Variants in DRC8 observed in about 807,000 individuals in gnomAD.
DRC8 encodes the protein dynein regulatory complex subunit 8.
At chr1:244,972,833 AAAAC>A in the DRC8 span, among the ~76,000 whole-genome samples, 7 of 151,970 alleles carry the variant, frequency 4.6e-5, no homozygotes, top group African/African-American at 9.7e-5. Flanking sequence ...AAAAAAAACA[AAAAC>A]AAAAAACAAA....
chr1:244,970,460 G>A, the DRC8 span: 18 of 1,525,230 alleles, frequency 1.2e-5, no homozygotes, highest in Admixed American at 2.2e-4. Flanking sequence ...TAGGGGAGCC[G>A]GGGAGCCGCT....
At chr1:245,012,230 G>A in the DRC8 span, among the ~76,000 whole-genome samples, 1 of 152,018 alleles carries the variant, frequency 6.6e-6, no homozygotes, top group Non-Finnish European at 1.5e-5. Flanking sequence ...CTGTTCTTTA[G>A]AGATGGAAGG....
chr1:245,118,528 ACGC>A, the DRC8 span, among the ~76,000 whole-genome samples: 1 of 152,202 alleles, frequency 6.6e-6, no homozygotes, highest in Non-Finnish European at 1.5e-5. Context: ...GCAGTGGCTC[ACGC>A]CTGTAATCCC....
the DRC8 span, among the ~76,000 whole-genome samples, chr1:245,077,161 C>T: frequency 3.9e-5 from 6 of 152,090 alleles, no homozygotes; most frequent in East Asian, 7.7e-4. Flanking sequence ...TTGCTAGAGC[C>T]GCTTTGATAG....
At chr1:244,991,374 T>A in the DRC8 span, among the ~76,000 whole-genome samples, 1 of 151,822 alleles carries the variant, frequency 6.6e-6, no homozygotes, top group Admixed American at 6.6e-5. Flanking sequence ...TTGTTTAGGG[T>A]TTTTGTGGGG....
chr1:244,976,321 C>G, the DRC8 span, among the ~76,000 whole-genome samples: 2 of 151,950 alleles, frequency 1.3e-5, no homozygotes, highest in Non-Finnish European at 2.9e-5. Context: ...TAAGTCTTAC[C>G]AATTGGGATC....
chr1:244,981,986 A>C, the DRC8 span, among the ~76,000 whole-genome samples: 1 of 152,194 alleles, frequency 6.6e-6, no homozygotes, highest in Non-Finnish European at 1.5e-5. Context: ...ATTTCATCGT[A>C]AGTTGATAGA....
the DRC8 span, among the ~76,000 whole-genome samples, chr1:245,094,520 C>T: frequency 6.6e-6 from 1 of 152,204 alleles, no homozygotes; most frequent in Non-Finnish European, 1.5e-5. Flanking sequence ...CTTCCTGATA[C>T]GTGCATTCCT....
the DRC8 span, among the ~76,000 whole-genome samples, chr1:245,029,405 C>A: frequency 2.6e-5 from 4 of 152,176 alleles, no homozygotes; most frequent in Non-Finnish European, 5.9e-5. Flanking sequence ...TCAAGCAATT[C>A]TCTTGCCTCA....
chr1:244,980,043 A>AAAAAAAAAAAAAAAAAC, the DRC8 span, among the ~76,000 whole-genome samples: 1 of 99,690 alleles, frequency 1.0e-5, no homozygotes, highest in Non-Finnish European at 2.3e-5. Context: ...TCTCTACTAA[A>AAAAAAAAAAAAAAAAAC]AAAAAAAAAA....
chr1:244,976,331 C>T, the DRC8 span, among the ~76,000 whole-genome samples: 36 of 152,222 alleles, frequency 2.4e-4, no homozygotes, highest in African/African-American at 8.7e-4. Flanking sequence ...CAATTGGGAT[C>T]ATGCATAATG....
At chr1:245,068,252 A>C in the DRC8 span, among the ~76,000 whole-genome samples, 2 of 152,300 alleles carry the variant, frequency 1.3e-5, no homozygotes, top group East Asian at 3.9e-4. Flanking sequence ...TAGACTAATA[A>C]ATACGGTTTT....
At chr1:244,969,760 T>G in the DRC8 span, 208 of 220,948 alleles carry the variant, frequency 9.4e-4, 1 homozygote, top group African/African-American at 4.6e-3. Context: ...TAGCTTCGGT[T>G]GTCATAGGCT....
chr1:244,996,264 G>A, the DRC8 span, among the ~76,000 whole-genome samples: 7 of 151,894 alleles, frequency 4.6e-5, no homozygotes, highest in African/African-American at 1.2e-4. Context: ...CTGGTTTCCC[G>A]CAGGACTCGT....
chr1:245,056,053 A>G, the DRC8 span, among the ~76,000 whole-genome samples: 1 of 152,078 alleles, frequency 6.6e-6, no homozygotes, highest in Non-Finnish European at 1.5e-5. Flanking sequence ...AAGTTACTTA[A>G]TTTAAAATGT....
the DRC8 span, among the ~76,000 whole-genome samples, chr1:244,978,135 G>A: frequency 6.6e-6 from 1 of 152,188 alleles, no homozygotes; most frequent in African/African-American, 2.4e-5. Flanking sequence ...TAAACCTCTA[G>A]TATGGATTTT....
chr1:245,112,343 G>T, the DRC8 span, among the ~76,000 whole-genome samples: 1 of 152,148 alleles, frequency 6.6e-6, no homozygotes, highest in Non-Finnish European at 1.5e-5. Context: ...CAAAGTGCTG[G>T]GATTACAGGT....
At chr1:245,067,628 T>A in the DRC8 span, among the ~76,000 whole-genome samples, 1 of 152,214 alleles carries the variant, frequency 6.6e-6, no homozygotes, top group Non-Finnish European at 1.5e-5. Context: ...CCTTGGATTT[T>A]TTTTCTTTGA....
the DRC8 span, among the ~76,000 whole-genome samples, chr1:245,063,401 C>G: frequency 2.0e-5 from 3 of 152,198 alleles, no homozygotes; most frequent in African/African-American, 7.2e-5. Context: ...GGGTACTCCC[C>G]TAGCTCCTAG....
Sources: gnomAD v4.1 joint callset for allele counts (sites outside exome capture counted in the v4.1 genomes callset) on GRCh38, gnomAD v4.1.1 for gene constraint, MANE v1.5 for transcripts, NCBI Gene and HGNC (gene_info 2026-07-23, HGNC 2026-07-21) for gene names.